The following DPP10 variants were observed in gnomAD, a reference collection of about 807,000 sequenced individuals.
DPP10 encodes the protein dipeptidyl peptidase like 10.
A neutral mutation model predicts 120.9 loss-of-function variants in DPP10; 33 were observed. The observed-to-expected ratio is 0.27, with a 90% CI of 0.21 to 0.37. The LOEUF (loss-of-function observed/expected upper bound fraction) is 0.37. Ranked by LOEUF, DPP10 falls within the 10% of genes least tolerant of loss-of-function variation. The probability of loss-of-function intolerance (pLI) is 1.00; values close to 1 mark genes in which losing one functional copy is unlikely to be tolerated. For synonymous variants in DPP10, 337 were observed against 326.1 expected, an observed-to-expected ratio of 1.03 and a Z score of -0.36; for missense variants, 816 against 942.8, an observed-to-expected ratio of 0.87 and a Z score of 1.76.
chr2:115,681,984 G>A (rs1388785259), intron 5 of DPP10, among the ~76,000 whole-genome samples: 1 of 151,838 alleles, frequency 6.6e-6, no homozygotes, highest in African/African-American at 2.4e-5. Flanking sequence ...ACAAGGGCTT[G>A]TAATTTCCTA....
At chr2:115,161,898 G>T (rs997201073) in intron 1 of DPP10, 26 of 1,417,404 alleles carry the variant, frequency 1.8e-5, no homozygotes, top group Non-Finnish European at 2.4e-5. Flanking sequence ...GCTGCCAAGT[G>T]ACGGTCCCCG....
chr2:114,566,080 GAA>G (rs1689177346), intron 1 of DPP10, among the ~76,000 whole-genome samples: 9 of 152,188 alleles, frequency 5.9e-5, no homozygotes, highest in Admixed American at 5.9e-4. Context: ...ATACTAAAGA[GAA>G]AGAGAAAGCA....
At chr2:115,469,769 T>C (rs560303083) in intron 3 of DPP10, among the ~76,000 whole-genome samples, 167 of 151,566 alleles carry the variant, frequency 1.1e-3, no homozygotes, top group African/African-American at 3.8e-3. Context: ...GTGGTGGCAC[T>C]TTCCTGTAAT....
At chr2:114,868,339 T>A (rs1574378114) in intron 1 of DPP10, among the ~76,000 whole-genome samples, 1 of 34,614 alleles carries the variant, frequency 2.9e-5, no homozygotes, top group African/African-American at 1.2e-4. Context: ...AAAGTAGAAC[T>A]TTTTGGGACC....
chr2:115,079,567 G>T (rs1224958929), intron 1 of DPP10, among the ~76,000 whole-genome samples: 1 of 151,906 alleles, frequency 6.6e-6, no homozygotes, highest in African/African-American at 2.4e-5. Context: ...GAGTCTTCAG[G>T]GACTAGTACT....
chr2:114,983,139 G>A (rs542542623), intron 1 of DPP10, among the ~76,000 whole-genome samples: 62 of 152,174 alleles, frequency 4.1e-4, no homozygotes, highest in Admixed American at 1.4e-3. Flanking sequence ...AAGTGAATAG[G>A]AAGAGTGGAT....
intron 1 of DPP10, among the ~76,000 whole-genome samples, chr2:115,222,045 TGATA>T (rs1261273706): frequency 6.6e-6 from 1 of 152,142 alleles, no homozygotes; most frequent in African/African-American, 2.4e-5. Flanking sequence ...AAGGGTACAC[TGATA>T]GATTTCTTGT....
chr2:115,316,525 G>T (rs1376687229), intron 2 of DPP10, among the ~76,000 whole-genome samples: 1 of 152,148 alleles, frequency 6.6e-6, no homozygotes, highest in Non-Finnish European at 1.5e-5. Flanking sequence ...GGCAGAAAGG[G>T]AGGCAGTGAC....
chr2:115,010,792 TCA>T (rs1702207927), intron 1 of DPP10, among the ~76,000 whole-genome samples: 1 of 152,214 alleles, frequency 6.6e-6, no homozygotes, highest in African/African-American at 2.4e-5. Flanking sequence ...TTTTTATTTT[TCA>T]CAGTCCCTCA....
At chr2:115,193,845 C>T (rs2055057485) in intron 1 of DPP10, among the ~76,000 whole-genome samples, 2 of 152,162 alleles carry the variant, frequency 1.3e-5, no homozygotes, top group African/African-American at 4.8e-5. Flanking sequence ...GAGGAACCAT[C>T]TATAAATAAG....
At chr2:114,599,060 G>A (rs867162482) in intron 1 of DPP10, among the ~76,000 whole-genome samples, 97 of 151,880 alleles carry the variant, frequency 6.4e-4, no homozygotes, top group African/African-American at 6.5e-4. Flanking sequence ...AATAATGGTG[G>A]CAATTACTAT....
intron 5 of DPP10, among the ~76,000 whole-genome samples, chr2:115,537,561 CTGT>C (rs1351624382): frequency 2.0e-5 from 2 of 98,884 alleles, no homozygotes; most frequent in Non-Finnish European, 4.1e-5. Context: ...AGACACATCA[CTGT>C]TTTTTTTTTT....
chr2:115,311,458 A>G (rs916622948), intron 2 of DPP10, among the ~76,000 whole-genome samples: 9 of 152,204 alleles, frequency 5.9e-5, no homozygotes, highest in Admixed American at 5.9e-4. Flanking sequence ...AGGAATATAC[A>G]TCTTCTGTGA....
intron 7 of DPP10, among the ~76,000 whole-genome samples, chr2:115,694,544 A>G (rs1216233829): frequency 6.6e-6 from 1 of 152,188 alleles, no homozygotes; most frequent in South Asian, 2.1e-4. Flanking sequence ...TAAAGAGTGC[A>G]TTATTTGGAG....
chr2:114,970,924 T>C (rs534640121), intron 1 of DPP10, among the ~76,000 whole-genome samples: 71 of 152,280 alleles, frequency 4.7e-4, no homozygotes, highest in Non-Finnish European at 6.3e-4. Context: ...TCTAACTAAC[T>C]TCCAGACTAG....
intron 5 of DPP10, among the ~76,000 whole-genome samples, chr2:115,527,924 G>C (rs568526855): frequency 6.6e-6 from 1 of 152,198 alleles, no homozygotes; most frequent in South Asian, 2.1e-4. Context: ...ATGTATAATG[G>C]TACAGCTACT....
At chr2:114,958,396 A>G (rs1198556171) in intron 1 of DPP10, among the ~76,000 whole-genome samples, 1 of 152,180 alleles carries the variant, frequency 6.6e-6, no homozygotes, top group Admixed American at 6.5e-5. Context: ...TTCTCAGGCC[A>G]TATTTAGCTC....
intron 1 of DPP10, among the ~76,000 whole-genome samples, chr2:114,513,264 T>C (rs1684301613): frequency 6.6e-6 from 1 of 152,142 alleles, no homozygotes; most frequent in African/African-American, 2.4e-5. Flanking sequence ...GGCTAACGCC[T>C]GTAATCCCAG....
At chr2:115,459,479 G>A (rs939806177) in intron 3 of DPP10, among the ~76,000 whole-genome samples, 5 of 152,020 alleles carry the variant, frequency 3.3e-5, no homozygotes, top group Non-Finnish European at 7.4e-5. Context: ...TTAATATAAA[G>A]TTTTCTAACC....
Sources: gnomAD v4.1 joint callset for allele counts (sites outside exome capture counted in the v4.1 genomes callset) on GRCh38, gnomAD v4.1.1 for gene constraint, MANE v1.5 for transcripts, NCBI Gene and HGNC (gene_info 2026-07-23, HGNC 2026-07-21) for gene names.